The following MALRD1 variants were observed in gnomAD, a reference collection of about 807,000 sequenced individuals.
MALRD1 encodes the protein MAM and LDL receptor class A domain containing 1.
A neutral mutation model predicts 242.1 loss-of-function variants in MALRD1; 247 were observed. The ratio of observed to expected loss-of-function variants is 1.02; its 90% confidence interval spans 0.92 to 1.13. The LOEUF (loss-of-function observed/expected upper bound fraction) is 1.13, where lower values mean the gene tolerates loss of function less well. Ranked by LOEUF, MALRD1 falls within the 50% of genes most tolerant of loss-of-function variation. The pLI is 0.00. For missense variants in MALRD1, 2,989 were observed against 2,533.1 expected, an observed-to-expected ratio of 1.18 and a Z score of -3.86; for synonymous variants, 995 against 866.6, an observed-to-expected ratio of 1.15 and a Z score of -2.60.
intron 36 of MALRD1, among the ~76,000 whole-genome samples, chr10:19,661,047 G>C (rs898508545): frequency 5.3e-5 from 8 of 152,054 alleles, no homozygotes; most frequent in Non-Finnish European, 1.0e-4. Flanking sequence ...CTCATCATCA[G>C]TGGCCATCAG....
At chr10:19,178,635 C>A (rs1835362851) in intron 14 of MALRD1, among the ~76,000 whole-genome samples, 1 of 152,188 alleles carries the variant, frequency 6.6e-6, no homozygotes, top group South Asian at 2.1e-4. Flanking sequence ...TCTTCTCCTT[C>A]AGAATATTTA....
At position 19,346,062 on chromosome 10, in the gene MALRD1, G is replaced by A. The variant is rs534197020; in HGVS notation, c.3902-1709G>A. ...AGCCTCCTAAAATGTTGTGATTACAGGGGTGAAGCACTCCACCCAGCCTCA... is the reference window on the plus strand; with the variant it reads ...AGCCTCCTAAAATGTTGTGATTACAAGGGTGAAGCACTCCACCCAGCCTCA... On this transcript the variant is annotated intron_variant, in intron 24 of 39. Transcript: ENST00000454679. Among the ~76,000 whole-genome samples the A allele has an allele frequency of 3.9e-5, 6 of 152,008 alleles. No individual in the cohort carries two copies. The East Asian group carries it at 5.8e-4, about 15-fold the overall frequency.
chr10:19,128,433 G>T (rs1372949694), intron 8 of MALRD1, 46 bp downstream of exon 8: 3 of 1,189,654 alleles, frequency 2.5e-6, no homozygotes, highest in East Asian at 3.2e-5. Context: ...AATCAATGAA[G>T]TTTCTAACTC....
At chr10:19,386,058 TA>T (rs760662142) in intron 26 of MALRD1, among the ~76,000 whole-genome samples, 14 of 152,136 alleles carry the variant, frequency 9.2e-5, no homozygotes, top group Non-Finnish European at 1.5e-4. Flanking sequence ...AGGAACAGCA[TA>T]ACACTCAAAA....
At chr10:19,403,956 T>C (rs1275642754) in intron 28 of MALRD1, among the ~76,000 whole-genome samples, 1 of 152,114 alleles carries the variant, frequency 6.6e-6, no homozygotes, top group Non-Finnish European at 1.5e-5. Flanking sequence ...AAACATGTAT[T>C]GTGAAAAGCA....
intron 2 of MALRD1, among the ~76,000 whole-genome samples, chr10:19,070,726 T>G (rs1294558562): frequency 6.6e-6 from 1 of 152,064 alleles, no homozygotes; most frequent in Non-Finnish European, 1.5e-5. Context: ...TTTTGAATTT[T>G]ATCCTGGATG....
chr10:19,681,844 G>A (rs188805144), intron 36 of MALRD1, among the ~76,000 whole-genome samples: 297 of 135,778 alleles, frequency 2.2e-3, no homozygotes, highest in African/African-American at 7.9e-3. Context: ...TGGGGTTTTT[G>A]TGGGGGAATG....
At chr10:19,617,329 A>G (rs1839203806) in intron 36 of MALRD1, among the ~76,000 whole-genome samples, 1 of 152,058 alleles carries the variant, frequency 6.6e-6, no homozygotes, top group Non-Finnish European at 1.5e-5. Flanking sequence ...AATGGAGAAA[A>G]ATGTAGAAAG....
chr10:19,422,748 CA>C (rs529832045), intron 28 of MALRD1, among the ~76,000 whole-genome samples: 169 of 152,280 alleles, frequency 1.1e-3, no homozygotes, highest in African/African-American at 3.8e-3. Flanking sequence ...TCTGAGTTTT[CA>C]TTTCCCCCTC....
At chr10:19,659,635 T>A (rs1474766979) in intron 36 of MALRD1, among the ~76,000 whole-genome samples, 2 of 152,176 alleles carry the variant, frequency 1.3e-5, no homozygotes, top group Non-Finnish European at 2.9e-5. Flanking sequence ...TGTCTGGATC[T>A]TCAGGATAAT....
intron 26 of MALRD1, among the ~76,000 whole-genome samples, chr10:19,360,437 C>CT (rs1211901772): frequency 6.6e-6 from 1 of 152,094 alleles, no homozygotes; most frequent in Non-Finnish European, 1.5e-5. Context: ...TGGAAACCTG[C>CT]TTTTTTGTAT....
Position 19,410,679 on chromosome 10 carries a change from C to CTT in MALRD1, c.4845+21083_4845+21084dup, listed in dbSNP as rs58147034. ...CCCTCCATCCATTCTTCCTTCCTTC[C>CTT]TTTTTTTTTTTTTTATCTTTATCAA... On this transcript the variant is annotated intron_variant, in intron 28 of 39. Transcript: ENST00000454679. 3.6e-3 allele frequency among the ~76,000 whole-genome samples: 483 copies of CTT among 132,872 alleles called. 2 individuals carry two copies. The highest frequency in any genetic ancestry group is 9.7e-3 in the African/African-American group (347 of 35,944). 87.2% of individuals were successfully genotyped at this position (132,872 alleles called of 152,430 possible).
At chr10:19,179,004 A>G (rs902218709) in intron 14 of MALRD1, among the ~76,000 whole-genome samples, 2 of 152,236 alleles carry the variant, frequency 1.3e-5, no homozygotes, top group African/African-American at 4.8e-5. Flanking sequence ...GCTTTAAACT[A>G]GAGGCGATGA....
intron 31 of MALRD1, among the ~76,000 whole-genome samples, chr10:19,515,777 C>G (rs936296360): frequency 6.6e-6 from 1 of 151,998 alleles, no homozygotes; most frequent in Non-Finnish European, 1.5e-5. Context: ...ACCATGTTAG[C>G]CAGGATGGTC....
intron 19 of MALRD1, among the ~76,000 whole-genome samples, chr10:19,272,516 T>A (rs1840297128): frequency 6.6e-6 from 1 of 152,108 alleles, no homozygotes; most frequent in African/African-American, 2.4e-5. Context: ...AATTTTATCT[T>A]TTATTTATTT....
rs1175514836 is a variant in MALRD1 at position 19,238,450 on chromosome 10, ATATATAATATATAATATAAT to A, written c.2992-19233_2992-19214del. On this transcript the variant is annotated intron_variant, in intron 18 of 39. Coordinates refer to ENST00000454679, the MANE Select transcript of MALRD1 (RefSeq NM_001142308.3). The stretch of plus-strand genomic sequence containing the variant: ...TTATATATAATATATAATATACATT[ATATATAATATATAATATAAT>A]ATATAATATACATTATATATAATAT... Among the ~76,000 whole-genome samples, 64 of 49,038 alleles carry A rather than the reference ATATATAATATATAATATAAT, an allele frequency of 1.3e-3. 4 individuals are homozygous for A. Among genetic ancestry groups the A allele is most frequent in the African/African-American group, 5.9e-3 (52 of 8,866 alleles). 32.2% of individuals were successfully genotyped at this position (49,038 alleles called of 152,430 possible).
intron 31 of MALRD1, among the ~76,000 whole-genome samples, chr10:19,504,859 T>G (rs1376219892): frequency 1.3e-5 from 2 of 150,888 alleles, no homozygotes; most frequent in Non-Finnish European, 2.9e-5. Context: ...AGTTTTTGTA[T>G]TTTTAGTAGA....
chr10:19,601,034 T>C (rs1275660376), intron 34 of MALRD1, among the ~76,000 whole-genome samples: 1 of 151,904 alleles, frequency 6.6e-6, no homozygotes, highest in Non-Finnish European at 1.5e-5. Flanking sequence ...TGCTCCACCA[T>C]GTCTGGCTAA....
At chr10:19,178,082 T>C (rs1835337352) in intron 14 of MALRD1, among the ~76,000 whole-genome samples, 1 of 152,204 alleles carries the variant, frequency 6.6e-6, no homozygotes, top group South Asian at 2.1e-4. Context: ...TTTTAAATCA[T>C]TACTAAAGTT....
Sources: gnomAD v4.1 joint callset for allele counts (sites outside exome capture counted in the v4.1 genomes callset) on GRCh38, gnomAD v4.1.1 for gene constraint, MANE v1.5 for transcripts, NCBI Gene and HGNC (gene_info 2026-07-23, HGNC 2026-07-21) for gene names.